BACE2: variants seen among roughly 807,000 people sequenced by gnomAD.
The protein encoded by BACE2 is beta-secretase 2.
A neutral mutation model predicts 46.2 loss-of-function variants in BACE2; 17 were observed. The observed-to-expected ratio is 0.37, with a 90% CI of 0.25 to 0.55. The LOEUF (loss-of-function observed/expected upper bound fraction) is 0.55. BACE2 is among the 20% of genes least tolerant of loss of function. The pLI, the probability that BACE2 is intolerant of heterozygous loss-of-function variation, is 0.82. For synonymous variants in BACE2, 277 were observed against 295.9 expected (o/e 0.94, Z 0.66); for missense variants, 595 against 698.1 (o/e 0.85, Z 1.66).
Position 41,230,589 on chromosome 21 carries a change from A to G in BACE2, c.401+4235A>G, listed in dbSNP as rs1237948138. 2.6e-5 allele frequency among the ~76,000 whole-genome samples: 4 copies of G among 152,280 alleles called. No homozygotes were observed. In the East Asian group the frequency reaches 7.7e-4, roughly 29 times the overall value. Reference sequence around the variant, plus strand: ...GTGCTTCTGATCTCTCTTAGTTATAATAAGGTTCTGGTTGGGTTTGTCCGC... The same window carrying G: ...GTGCTTCTGATCTCTCTTAGTTATAGTAAGGTTCTGGTTGGGTTTGTCCGC... On this transcript the variant is annotated intron_variant, in intron 2 of 8. Transcript: ENST00000330333.
intron 1 of BACE2, chr21:41,178,950 T>G: frequency 2.0e-6 from 1 of 499,390 alleles, no homozygotes; most frequent in Non-Finnish European, 3.1e-6. Flanking sequence ...ATAAGGGCGG[T>G]TATGGAAGAC....
chr21:41,168,230 A>G lies in BACE2; in HGVS notation c.-34A>G, dbSNP rs1984450878. ...GCTGCCGGACGGGACGGGACCGGCT[A>G]GGCTGGGCGCGCCCCCCGGGCCCCG... On this transcript the variant is annotated 5_prime_UTR_variant, in exon 1 of 9. Transcript: ENST00000330333. The G allele has an allele frequency of 8.1e-6, 9 of 1,111,858 alleles. No individual in the cohort carries two copies. The highest frequency in any genetic ancestry group is 9.9e-6 in the Non-Finnish European group (9 of 908,856). 68.9% of individuals were successfully genotyped at this position (1,111,858 alleles called of 1,614,324 possible).
intron 1 of BACE2, chr21:41,182,527 GA>G (rs1985172093): frequency 6.0e-6 from 1 of 166,946 alleles, no homozygotes; most frequent in Non-Finnish European, 1.5e-5. Context: ...TTCTAAAGGG[GA>G]GGGGGGAAGG....
intron 1 of BACE2, chr21:41,179,595 G>A: frequency 7.3e-7 from 1 of 1,367,324 alleles, no homozygotes; most frequent in Non-Finnish European, 9.8e-7. Context: ...GTGAGGAGGT[G>A]TTTGCAGTGC....
intron 1 of BACE2, among the ~76,000 whole-genome samples, chr21:41,217,771 G>T (rs1986518358): frequency 6.6e-6 from 1 of 152,250 alleles, no homozygotes; most frequent in African/African-American, 2.4e-5. Context: ...AGCTCGGCAG[G>T]CAGCAAGGAG....
Position 41,275,767 on chromosome 21 carries a change from A to T in BACE2, c.*143A>T. 2.2e-6 allele frequency: 2 copies of T among 911,214 alleles called. No homozygotes were observed. Among genetic ancestry groups the T allele is most frequent in the Non-Finnish European group, 3.2e-6 (2 of 621,220 alleles). The allele number at this position is 911,214 out of a possible 1,614,324, so 56.4% of individuals were successfully genotyped here. ...TGTTCTGCTCCCAGATGCCTTCTAGATTCACTGTCTTTTGATTCTTGATTT... is the reference window on the plus strand; with the variant it reads ...TGTTCTGCTCCCAGATGCCTTCTAGTTTCACTGTCTTTTGATTCTTGATTT... On this transcript the variant is annotated 3_prime_UTR_variant, in exon 9 of 9. Transcript: ENST00000330333.
At chr21:41,249,116 G>A (rs57104055) in intron 6 of BACE2, among the ~76,000 whole-genome samples, 1 of 151,480 alleles carries the variant, frequency 6.6e-6, no homozygotes. Flanking sequence ...AGGACTAGTG[G>A]GCATGTACAC....
At chr21:41,228,708 C>T (rs1986890092) in intron 2 of BACE2, among the ~76,000 whole-genome samples, 1 of 152,182 alleles carries the variant, frequency 6.6e-6, no homozygotes, top group African/African-American at 2.4e-5. Flanking sequence ...AAACACTTTC[C>T]ACCAGGCCCC....
intron 1 of BACE2, among the ~76,000 whole-genome samples, chr21:41,212,889 A>G (rs1986343972): frequency 6.6e-6 from 1 of 152,222 alleles, no homozygotes; most frequent in African/African-American, 2.4e-5. Flanking sequence ...GTGGTTATTT[A>G]TATAGCAGCT....
chr21:41,180,095 A>C lies in BACE2; in HGVS notation c.312+11520A>C, dbSNP rs73364409. 1,627 of 231,930 alleles carry C rather than the reference A, an allele frequency of 7.0e-3. 27 individuals carry two copies. The highest frequency in any genetic ancestry group is 0.036 in the African/African-American group (1,561 of 42,998). 14.4% of individuals were successfully genotyped at this position (231,930 alleles called of 1,614,324 possible). The stretch of plus-strand genomic sequence containing the variant: ...AGTAGCAGCTCAGAGGCAGTTCTGC[A>C]GTGGTATTTGTATCCACTTTTAATT... On this transcript the variant is annotated intron_variant, in intron 1 of 8. Coordinates refer to ENST00000330333, the MANE Select transcript of BACE2 (RefSeq NM_012105.5).
At chr21:41,203,684 A>G (rs1484437927) in intron 1 of BACE2, among the ~76,000 whole-genome samples, 1 of 151,974 alleles carries the variant, frequency 6.6e-6, no homozygotes, top group Admixed American at 6.6e-5. Context: ...GCTCCCATGG[A>G]CTGAGCCTGG....
At chr21:41,218,868 A>C in intron 1 of BACE2, among the ~76,000 whole-genome samples, 1 of 109,024 alleles carries the variant, frequency 9.2e-6, no homozygotes, top group Non-Finnish European at 1.8e-5. Context: ...AAACATCTTG[A>C]CTTTTTTTTT....
chr21:41,179,657 A>C, intron 1 of BACE2: 2 of 1,357,700 alleles, frequency 1.5e-6, no homozygotes, highest in African/African-American at 1.5e-5. Flanking sequence ...CTGAGGTTAG[A>C]TTTTAGTAGA....
intron 1 of BACE2, among the ~76,000 whole-genome samples, chr21:41,173,381 G>A (rs1000652989): frequency 3.3e-5 from 5 of 152,212 alleles, no homozygotes; most frequent in Non-Finnish European, 5.9e-5. Context: ...AAGGAAGAGA[G>A]GAGTGTTTCT....
chr21:41,232,708 G>A (rs1987000216), intron 2 of BACE2, among the ~76,000 whole-genome samples: 1 of 152,070 alleles, frequency 6.6e-6, no homozygotes, highest in African/African-American at 2.4e-5. Context: ...CCTCCACCTT[G>A]AGTGGAAGCT....
chr21:41,244,661 G>A (rs1335040479), intron 5 of BACE2, among the ~76,000 whole-genome samples: 4 of 152,140 alleles, frequency 2.6e-5, no homozygotes, highest in Non-Finnish European at 4.4e-5. Flanking sequence ...GGACGTATAG[G>A]TGCAGGTCAC....
chr21:41,247,598 G>A (rs1254771285), intron 6 of BACE2, among the ~76,000 whole-genome samples: 1 of 152,234 alleles, frequency 6.6e-6, no homozygotes, highest in Non-Finnish European at 1.5e-5. Context: ...TGTTTGAAGC[G>A]CAGTGTGAAA....
intron 1 of BACE2, among the ~76,000 whole-genome samples, chr21:41,211,025 A>G (rs1986284872): frequency 1.3e-5 from 2 of 152,178 alleles, no homozygotes; most frequent in East Asian, 1.9e-4. Context: ...TTGCACCTTT[A>G]TAAGAAGGTA....
intron 8 of BACE2, among the ~76,000 whole-genome samples, chr21:41,272,317 C>T (rs553630958): frequency 1.2e-3 from 183 of 151,668 alleles, no homozygotes; most frequent in Non-Finnish European, 1.8e-3. Context: ...GTTTGGGGTC[C>T]TTTGGGCTTC....
Sources: allele counts gnomAD v4.1 joint callset (sites outside exome capture counted in the v4.1 genomes callset), GRCh38; gene constraint gnomAD v4.1.1; transcripts MANE v1.5; gene names NCBI Gene and HGNC (gene_info 2026-07-23, HGNC 2026-07-21).